The following PPFIBP2 variants were observed in gnomAD, a reference collection of about 807,000 sequenced individuals.
The protein encoded by PPFIBP2 is PPFIB scaffold protein 2.
Under a neutral mutation model 118.3 loss-of-function variants are expected in PPFIBP2, and 118 were observed. The observed-to-expected ratio is 1.00, with a 90% CI of 0.86 to 1.16. The LOEUF is 1.16. Ranked by LOEUF, PPFIBP2 falls within the 50% of genes most tolerant of loss-of-function variation. PPFIBP2 has a pLI of 0.00. For synonymous variants in PPFIBP2, 414 were observed against 397.4 expected (o/e 1.04, Z -0.50); for missense variants, 1,195 against 1,073.1 (o/e 1.11, Z -1.59).
intron 17 of PPFIBP2, among the ~76,000 whole-genome samples, chr11:7,645,869 A>G (rs1388361162): frequency 6.6e-6 from 1 of 152,220 alleles, no homozygotes; most frequent in East Asian, 1.9e-4. Context: ...AAGAACTGAA[A>G]TGTCCCTCAG....
At chr11:7,597,221 C>G in intron 4 of PPFIBP2, 1 of 1,511,796 alleles carries the variant, frequency 6.6e-7, no homozygotes. Context: ...TGAGATGTGC[C>G]TTGAGGTCGG....
At chr11:7,651,060 A>C in intron 22 of PPFIBP2, 95 bp downstream of exon 22, 1 of 1,320,126 alleles carries the variant, frequency 7.6e-7, no homozygotes, top group South Asian at 1.5e-5. Flanking sequence ...CTAACGAAAA[A>C]AAATAGGTAC....
chr11:7,574,628 A>G (rs1367004436), intron 3 of PPFIBP2, among the ~76,000 whole-genome samples: 1 of 152,132 alleles, frequency 6.6e-6, no homozygotes, highest in Non-Finnish European at 1.5e-5. Context: ...CCTGGACAGG[A>G]TGGACTTCTA....
At position 7,632,976 on chromosome 11, in the gene PPFIBP2, G is replaced by A. The variant is rs779685691; in HGVS notation, c.1136+42G>A. 31 of 1,577,808 alleles carry A rather than the reference G, an allele frequency of 2.0e-5. No homozygotes were observed. The African/African-American group carries it at 3.1e-4, about 16-fold the overall frequency. On this transcript the variant is annotated intron_variant, in intron 12 of 23. Coordinates refer to ENST00000299492, the MANE Select transcript of PPFIBP2 (RefSeq NM_003621.5). ...TTTCCCCACAGCCACTGTGCTCTCA[G>A]GCTTGCCTTGGGGCTGCCGAAGTAG...
At chr11:7,550,483 A>T (rs760276342) in intron 2 of PPFIBP2, among the ~76,000 whole-genome samples, 2 of 152,006 alleles carry the variant, frequency 1.3e-5, no homozygotes, top group Non-Finnish European at 1.5e-5. Context: ...GAAGTGGGAG[A>T]GTATGCCTGT....
intron 2 of PPFIBP2, among the ~76,000 whole-genome samples, chr11:7,562,323 G>A (rs1854391505): frequency 6.6e-6 from 1 of 152,330 alleles, no homozygotes; most frequent in Middle Eastern, 3.4e-3. Context: ...TCTGCTGACA[G>A]GTAGCCATAT....
At chr11:7,526,623 G>A (rs1850254021) in intron 1 of PPFIBP2, among the ~76,000 whole-genome samples, 1 of 152,174 alleles carries the variant, frequency 6.6e-6, no homozygotes, top group South Asian at 2.1e-4. Flanking sequence ...TGTAATCCCA[G>A]CACTTTGGGA....
At chr11:7,531,908 TCA>T (rs946356986) in intron 1 of PPFIBP2, among the ~76,000 whole-genome samples, 11 of 152,126 alleles carry the variant, frequency 7.2e-5, no homozygotes, top group African/African-American at 2.7e-4. Flanking sequence ...CGATCTTGGC[TCA>T]CAGCATCCTC....
intron 3 of PPFIBP2, 54 bp from the exon 4 acceptor site, chr11:7,593,078 G>T: frequency 1.3e-6 from 2 of 1,599,406 alleles, no homozygotes; most frequent in South Asian, 2.3e-5. Context: ...TTAGAAGTTG[G>T]TAAGATGTTT....
chr11:7,648,914 A>G lies in PPFIBP2; in HGVS notation c.1909+3A>G. Reference sequence around the variant, plus strand: ...GCTAGACCACATTTGGGTGACAAGTAAGGATAGGCATATATGTATTAAGAA... The same window carrying G: ...GCTAGACCACATTTGGGTGACAAGTGAGGATAGGCATATATGTATTAAGAA... On this transcript the variant is annotated splice_donor_region_variant and intron_variant, in intron 19 of 23. Transcript: ENST00000299492. The G allele has an allele frequency of 6.2e-7, 1 of 1,608,240 alleles. No homozygotes were observed. Among genetic ancestry groups the G allele is most frequent in the Non-Finnish European group, 8.5e-7 (1 of 1,174,682 alleles).
downstream of PPFIBP2, among the ~76,000 whole-genome samples, chr11:7,658,106 T>G (rs573029687): frequency 1.3e-5 from 2 of 152,364 alleles, no homozygotes; most frequent in African/African-American, 4.8e-5. Flanking sequence ...AGGTTACAGA[T>G]GCTCCAATAT....
intron 5 of PPFIBP2, among the ~76,000 whole-genome samples, chr11:7,598,742 T>C (rs1860860171): frequency 6.6e-6 from 1 of 152,222 alleles, no homozygotes; most frequent in Admixed American, 6.5e-5. Flanking sequence ...GCTAGCATTT[T>C]TTTTTTAATT....
At chr11:7,635,340 G>T (rs913528677) in intron 13 of PPFIBP2, among the ~76,000 whole-genome samples, 1 of 152,354 alleles carries the variant, frequency 6.6e-6, no homozygotes, top group Non-Finnish European at 1.5e-5. Flanking sequence ...GGTTGCCATG[G>T]TCATGTTGCT....
intron 4 of PPFIBP2, among the ~76,000 whole-genome samples, chr11:7,594,255 G>A (rs545874474): frequency 4.0e-5 from 6 of 150,654 alleles, no homozygotes; most frequent in African/African-American, 1.5e-4. Flanking sequence ...TTAACACTTC[G>A]GCCTTTTTTC....
At position 7,565,666 on chromosome 11, in the gene PPFIBP2, G is replaced by C. The variant is rs371710881; in HGVS notation, c.178G>C (p.Ala60Pro). The change falls in exon 3 of 24, where the codon GCC becomes CCC. Residue 60 changes from alanine (A) to proline (P), a missense_variant. Ala to Pro is a conservative substitution (Grantham distance 27). Coordinates refer to ENST00000299492, the MANE Select transcript of PPFIBP2 (RefSeq NM_003621.5). ...CCATCTCATCGAGGACTTGAGGCTG[G>C]CCTTGGAGATGCTGGAGCTTCCTCA... is the stretch of plus-strand genomic sequence containing the variant. ...VLHLIEDLRL[A>P]LEMLELPQER... 17 of 1,614,046 alleles carry C rather than the reference G, an allele frequency of 1.1e-5. No homozygotes were observed. Among genetic ancestry groups the C allele is most frequent in the Non-Finnish European group, 1.4e-5 (17 of 1,180,018 alleles).
intron 7 of PPFIBP2, among the ~76,000 whole-genome samples, chr11:7,621,828 A>T (rs1211681199): frequency 6.6e-6 from 1 of 152,218 alleles, no homozygotes; most frequent in Non-Finnish European, 1.5e-5. Context: ...GGATGTTTTT[A>T]TTAGAGTTTT....
chr11:7,657,775 C>G (rs1854791583), downstream of PPFIBP2, among the ~76,000 whole-genome samples: 2 of 152,202 alleles, frequency 1.3e-5, no homozygotes, highest in Admixed American at 1.3e-4. Flanking sequence ...CCCGCATGAT[C>G]CAGTTACAGG....
intron 12 of PPFIBP2, 69 bp downstream of exon 12, chr11:7,633,003 T>C (rs1850979415): frequency 5.0e-6 from 7 of 1,413,722 alleles, no homozygotes; most frequent in Non-Finnish European, 7.0e-6. Context: ...CCGAAGTAGA[T>C]GGTGATGACC....
In PPFIBP2 at chr11:7,631,211, T is replaced by G; in HGVS notation, c.1068+183T>G. The G allele has an allele frequency of 5.2e-6, 3 of 572,252 alleles. 1 individual carries two copies. In the South Asian group the frequency reaches 6.3e-5, roughly 12 times the overall value. 35.4% of individuals were successfully genotyped at this position (572,252 alleles called of 1,614,324 possible). ...AGCAAGAGGCTGAGGCTCTGGCCTG[T>G]GCTCTGGTTGGAGGCAGCATGGTGG... On this transcript the variant is annotated intron_variant, in intron 11 of 23. Coordinates refer to ENST00000299492, the MANE Select transcript of PPFIBP2 (RefSeq NM_003621.5).
Sources: gnomAD v4.1 joint callset for allele counts (sites outside exome capture counted in the v4.1 genomes callset) on GRCh38, gnomAD v4.1.1 for gene constraint, MANE v1.5 for transcripts, NCBI Gene and HGNC (gene_info 2026-07-23, HGNC 2026-07-21) for gene names.